Variants in MICU1 observed in about 807,000 individuals in gnomAD.
MICU1 encodes mitochondrial calcium uptake 1.
A neutral mutation model predicts 56.8 loss-of-function variants in MICU1; 45 were observed. The ratio of observed to expected loss-of-function variants is 0.79; its 90% CI spans 0.62 to 1.02. The LOEUF is 1.02. Among genes scored for constraint, MICU1 ranks in the 50% least tolerant of loss-of-function variants. MICU1 has a pLI of 0.00. For missense variants in MICU1, 504 were observed against 587.1 expected (o/e 0.86, Z 1.46); for synonymous variants, 186 against 195.1 (o/e 0.95, Z 0.39).
chr10:72,492,017 G>C (rs1032712805), intron 6 of MICU1, among the ~76,000 whole-genome samples: 7 of 152,104 alleles, frequency 4.6e-5, no homozygotes, highest in African/African-American at 1.7e-4. Flanking sequence ...TTGTGAATTA[G>C]CAGTAATTAG....
chr10:72,394,918 C>T (rs373704411), intron 10 of MICU1, among the ~76,000 whole-genome samples: 4 of 152,054 alleles, frequency 2.6e-5, no homozygotes, highest in South Asian at 2.1e-4. Flanking sequence ...TGGTGGCTCA[C>T]GCCTGTAATC....
intron 9 of MICU1, among the ~76,000 whole-genome samples, chr10:72,422,632 G>A (rs1175219905): frequency 1.3e-5 from 2 of 151,704 alleles, no homozygotes; most frequent in East Asian, 1.9e-4. Flanking sequence ...CTGGATCCTC[G>A]CTGTTATATG....
intron 8 of MICU1, among the ~76,000 whole-genome samples, chr10:72,454,812 A>G (rs1284846726): frequency 6.6e-6 from 1 of 151,914 alleles, no homozygotes; most frequent in Non-Finnish European, 1.5e-5. Context: ...AAAACAAAAA[A>G]TATAAAACAA....
chr10:72,421,058 AAAAAG>A (rs1772712984), intron 9 of MICU1, among the ~76,000 whole-genome samples: 1 of 150,340 alleles, frequency 6.7e-6, no homozygotes, highest in African/African-American at 2.4e-5. Flanking sequence ...AAAGAAAAAT[AAAAAG>A]AAAAGACACG....
At position 72,477,569 on chromosome 10, in the gene MICU1, T is replaced by C. The variant is rs780561127; in HGVS notation, c.653-313A>G. 2.0e-6 allele frequency: 3 copies of C among 1,533,680 alleles called. No individual in the cohort carries two copies. The South Asian group carries it at 3.6e-5, about 18-fold the overall frequency. On this transcript the variant is annotated intron_variant, in intron 6 of 11. Transcript: ENST00000361114. The stretch of plus-strand genomic sequence containing the variant: ...ACACCATCTTCTTAGCTTAGTAATA[T>C]TAACGTTCTGTTGCTTCAATATGGT...
intron 10 of MICU1, among the ~76,000 whole-genome samples, chr10:72,393,496 G>C (rs1260912730): frequency 6.6e-6 from 1 of 152,176 alleles, no homozygotes; most frequent in Non-Finnish European, 1.5e-5. Flanking sequence ...AAGGCCTTCA[G>C]TAAGCTTGGT....
At chr10:72,422,514 C>T (rs58186202) in intron 9 of MICU1, among the ~76,000 whole-genome samples, 2 of 152,138 alleles carry the variant, frequency 1.3e-5, no homozygotes, top group East Asian at 3.8e-4. Flanking sequence ...TACTTTTCAT[C>T]GAATAGGGAT....
chr10:72,368,450 C>T, intron 11 of MICU1, 95 bp from the exon 12 acceptor site: 1 of 1,352,850 alleles, frequency 7.4e-7, no homozygotes, highest in Non-Finnish European at 1.0e-6. Flanking sequence ...GATTTCAAAG[C>T]CCAGACATTC....
intron 1 of MICU1, among the ~76,000 whole-genome samples, chr10:72,619,758 T>C (rs1455379068): frequency 6.6e-6 from 1 of 152,130 alleles, no homozygotes; most frequent in Non-Finnish European, 1.5e-5. Flanking sequence ...AATAATTCAT[T>C]AATCTAGTTT....
intron 8 of MICU1, among the ~76,000 whole-genome samples, chr10:72,449,011 G>A (rs1865210155): frequency 6.6e-6 from 1 of 152,066 alleles, no homozygotes; most frequent in African/African-American, 2.4e-5. Context: ...CATGGCTCAC[G>A]TAGCCTCGAC....
chr10:72,508,805 C>A (rs948804332), intron 5 of MICU1, among the ~76,000 whole-genome samples: 1 of 152,122 alleles, frequency 6.6e-6, no homozygotes, highest in Non-Finnish European at 1.5e-5. Flanking sequence ...AGAATACAGA[C>A]CAGTATGCAG....
chr10:72,614,662 C>T (rs990904618), intron 1 of MICU1, among the ~76,000 whole-genome samples: 1 of 152,102 alleles, frequency 6.6e-6, no homozygotes, highest in African/African-American at 2.4e-5. Flanking sequence ...ACAAGCCAAT[C>T]CAAAAAAGGC....
At chr10:72,513,161 A>G (rs552780935) in intron 5 of MICU1, among the ~76,000 whole-genome samples, 82 of 152,260 alleles carry the variant, frequency 5.4e-4, no homozygotes, top group African/African-American at 1.9e-3. Flanking sequence ...CACCATTTAC[A>G]TTCCCATAAG....
intron 10 of MICU1, among the ~76,000 whole-genome samples, chr10:72,401,993 T>TA (rs113287469): frequency 0.072 from 10,855 of 151,286 alleles, 1,330 homozygotes; most frequent in African/African-American, 0.25. Flanking sequence ...AGGAATCCGC[T>TA]AAAAAAAAAT....
At chr10:72,535,241 G>A (rs2132414012) in intron 4 of MICU1, among the ~76,000 whole-genome samples, 1 of 151,642 alleles carries the variant, frequency 6.6e-6, no homozygotes, top group Non-Finnish European at 1.5e-5. Context: ...GGTTGGCCAG[G>A]CTACTAGGTC....
intron 8 of MICU1, among the ~76,000 whole-genome samples, chr10:72,455,506 A>T (rs116600491): frequency 2.0e-3 from 302 of 152,252 alleles, no homozygotes; most frequent in African/African-American, 6.9e-3. Flanking sequence ...TAATCCTTGA[A>T]TCTGGAGTAA....
chr10:72,440,229 C>A (rs1294725013), intron 8 of MICU1, among the ~76,000 whole-genome samples: 1 of 152,078 alleles, frequency 6.6e-6, no homozygotes, highest in South Asian at 2.1e-4. Flanking sequence ...AGAACAGAGG[C>A]CTCAGAAATA....
chr10:72,532,096 T>A (rs553355958), intron 5 of MICU1, among the ~76,000 whole-genome samples: 8 of 152,046 alleles, frequency 5.3e-5, no homozygotes, highest in African/African-American at 1.9e-4. Flanking sequence ...GGCAGGCAGA[T>A]CACGAGGTCA....
intron 4 of MICU1, among the ~76,000 whole-genome samples, chr10:72,540,879 T>C (rs576290870): frequency 4.6e-5 from 7 of 152,316 alleles, no homozygotes; most frequent in African/African-American, 1.4e-4. Flanking sequence ...TGGCCATCTA[T>C]AAGAAAAATA....
Sources: allele counts gnomAD v4.1 joint callset (sites outside exome capture counted in the v4.1 genomes callset), GRCh38; gene constraint gnomAD v4.1.1; transcripts MANE v1.5; gene names NCBI Gene and HGNC (gene_info 2026-07-23, HGNC 2026-07-21).